UGGT2: variants seen among roughly 807,000 people sequenced by gnomAD.
The protein encoded by UGGT2 is UDP-glucose:glycoprotein glucosyltransferase 2.
UGGT2 carries 180 observed loss-of-function variants against 192.1 expected under a neutral mutation model. That is an observed-to-expected ratio of 0.94 (90% CI 0.83 to 1.06). The LOEUF is 1.06. Ranked by LOEUF, UGGT2 falls within the 50% of genes least tolerant of loss-of-function variation. UGGT2 has a pLI of 0.00. For missense variants in UGGT2, 1,849 were observed against 1,795.7 expected (o/e 1.03, Z -0.54); for synonymous variants, 580 against 591.0 (o/e 0.98, Z 0.27).
At chr13:95,872,444 T>C (rs756156549) in intron 29 of UGGT2, among the ~76,000 whole-genome samples, 6 of 152,214 alleles carry the variant, frequency 3.9e-5, no homozygotes, top group Non-Finnish European at 8.8e-5. Context: ...GTTTCAGGAA[T>C]ATTTTTCCTA....
intron 5 of UGGT2, among the ~76,000 whole-genome samples, chr13:95,999,869 G>C (rs1361519424): frequency 1.3e-5 from 2 of 152,156 alleles, no homozygotes; most frequent in Non-Finnish European, 2.9e-5. Context: ...ATCTGTTCTT[G>C]CAATAAGGGG....
intron 38 of UGGT2, among the ~76,000 whole-genome samples, chr13:95,819,987 A>G (rs1050817822): frequency 2.0e-5 from 3 of 152,082 alleles, no homozygotes; most frequent in Admixed American, 2.0e-4. Context: ...GCAAAACCTC[A>G]TCTCTACTAA....
At chr13:95,922,627 G>T (rs1042419621) in intron 20 of UGGT2, among the ~76,000 whole-genome samples, 1 of 151,228 alleles carries the variant, frequency 6.6e-6, no homozygotes, top group Non-Finnish European at 1.5e-5. Flanking sequence ...TGTGACACCA[G>T]CCTGGATGAC....
intron 29 of UGGT2, among the ~76,000 whole-genome samples, chr13:95,870,685 T>C (rs573664277): frequency 4.6e-5 from 7 of 152,326 alleles, no homozygotes; most frequent in South Asian, 4.1e-4. Context: ...CAATACGATG[T>C]AAAAGCATCC....
intron 4 of UGGT2, among the ~76,000 whole-genome samples, chr13:96,019,162 T>C (rs2052440999): frequency 6.8e-6 from 1 of 146,740 alleles, no homozygotes; most frequent in Non-Finnish European, 1.5e-5. Flanking sequence ...GGCTGTAGAA[T>C]TGTTTTACCC....
intron 1 of UGGT2, 32 bp downstream of exon 1, chr13:96,053,123 C>A (rs1430231303): frequency 6.9e-7 from 1 of 1,454,464 alleles, no homozygotes; most frequent in Non-Finnish European, 9.0e-7. Flanking sequence ...CGCGCCCACA[C>A]CCGCCCGGAC....
chr13:95,983,782 T>G (rs1163705330), intron 10 of UGGT2, 22 bp downstream of exon 10: 5 of 1,493,326 alleles, frequency 3.3e-6, no homozygotes, highest in Non-Finnish European at 2.7e-6. Flanking sequence ...GTAAATGTTT[T>G]AAAAAAGGAA....
chr13:95,899,744 A>G (rs1420391690), intron 22 of UGGT2, among the ~76,000 whole-genome samples: 1 of 152,150 alleles, frequency 6.6e-6, no homozygotes, highest in African/African-American at 2.4e-5. Context: ...CTCCCAAAGT[A>G]ACTTTTAAAG....
chr13:95,973,624 C>A (rs1055380314), intron 10 of UGGT2, among the ~76,000 whole-genome samples: 1 of 152,096 alleles, frequency 6.6e-6, no homozygotes, highest in Non-Finnish European at 1.5e-5. Context: ...CATCTCCAGG[C>A]GCTAGAACAG....
At chr13:95,884,465 TTA>T (rs1395746198) in intron 27 of UGGT2, 24 bp downstream of exon 27, 1 of 1,548,104 alleles carries the variant, frequency 6.5e-7, no homozygotes, top group Non-Finnish European at 8.7e-7. Flanking sequence ...TTCTCTCTCT[TTA>T]TATGACTATA....
At chr13:95,877,174 G>A (rs535234758) in intron 29 of UGGT2, 105 bp downstream of exon 29, 12 of 979,724 alleles carry the variant, frequency 1.2e-5, no homozygotes, top group Middle Eastern at 2.9e-4. Context: ...GAGCCACTGC[G>A]CCAGGCCAAT....
intron 31 of UGGT2, among the ~76,000 whole-genome samples, chr13:95,861,331 A>G (rs973915253): frequency 6.6e-6 from 1 of 152,222 alleles, no homozygotes. Context: ...CATCCAGGCT[A>G]AAATATTTTT....
At chr13:96,015,873 A>G (rs567795701) in intron 4 of UGGT2, among the ~76,000 whole-genome samples, 2 of 152,344 alleles carry the variant, frequency 1.3e-5, no homozygotes, top group Admixed American at 6.5e-5. Flanking sequence ...TGGAATAATG[A>G]AACTTATTTA....
rs578044540 is a variant in UGGT2, at chr13:96,004,060, A to G, written c.661-4753T>C. Among the ~76,000 whole-genome samples the G allele has an allele frequency of 2.1e-4, 32 of 152,166 alleles. 1 individual carries two copies. Among genetic ancestry groups the G allele is most frequent in the Non-Finnish European group, 3.8e-4 (26 of 68,022 alleles). On this transcript the variant is annotated intron_variant, in intron 5 of 38. Coordinates refer to ENST00000376747, the MANE Select transcript of UGGT2 (RefSeq NM_020121.4). Reference sequence around the variant, plus strand: ...TCTACAATCATATATTACTGCTTTCAGAAGTTATAAGATAGCTTCAATCAG... The same window carrying G: ...TCTACAATCATATATTACTGCTTTCGGAAGTTATAAGATAGCTTCAATCAG...
intron 5 of UGGT2, among the ~76,000 whole-genome samples, chr13:96,002,821 C>T (rs555114204): frequency 6.6e-6 from 1 of 152,282 alleles, no homozygotes; most frequent in African/African-American, 2.4e-5. Flanking sequence ...CTCTTCCTCG[C>T]TTTCTCACTT....
At chr13:96,038,019 T>C (rs988638682) in intron 1 of UGGT2, among the ~76,000 whole-genome samples, 5 of 152,202 alleles carry the variant, frequency 3.3e-5, no homozygotes, top group African/African-American at 1.2e-4. Context: ...TTTTAGTTTA[T>C]ATAATAAAGG....
chr13:95,917,472 A>G (rs191015088), intron 20 of UGGT2, among the ~76,000 whole-genome samples: 2 of 152,314 alleles, frequency 1.3e-5, no homozygotes, highest in East Asian at 3.9e-4. Flanking sequence ...TGAAGTACAC[A>G]GACCAGTGAC....
chr13:95,803,019 A>G (rs1189813623), intron 38 of UGGT2, among the ~76,000 whole-genome samples: 2 of 151,466 alleles, frequency 1.3e-5, no homozygotes, highest in South Asian at 4.2e-4. Context: ...TATTTTTAGT[A>G]GAGACGGGGT....
intron 29 of UGGT2, among the ~76,000 whole-genome samples, chr13:95,873,420 C>T (rs942664336): frequency 1.3e-5 from 2 of 152,196 alleles, no homozygotes; most frequent in Non-Finnish European, 2.9e-5. Flanking sequence ...GCATAGGTTG[C>T]TGCATAGGCA....
Sources: gnomAD v4.1 joint callset for allele counts (sites outside exome capture counted in the v4.1 genomes callset) on GRCh38, gnomAD v4.1.1 for gene constraint, MANE v1.5 for transcripts, NCBI Gene and HGNC (gene_info 2026-07-23, HGNC 2026-07-21) for gene names.